Variants in AP3S2 observed in about 807,000 individuals in gnomAD.
AP3S2 encodes adaptor related protein complex 3 subunit sigma 2.
AP3S2 carries 22 observed loss-of-function variants against 23.4 expected under a neutral mutation model. The ratio of observed to expected loss-of-function variants is 0.94; its 90% CI spans 0.67 to 1.34. The LOEUF is 1.34. Ranked by LOEUF, AP3S2 falls within the 40% of genes most tolerant of loss-of-function variation. The pLI, the probability that AP3S2 is intolerant of heterozygous loss-of-function variation, is 0.00. For synonymous variants in AP3S2, 86 were observed against 87.1 expected, an observed-to-expected ratio of 0.99 and a Z score of 0.07; for missense variants, 241 against 236.9, an observed-to-expected ratio of 1.02 and a Z score of -0.11.
At chr15:89,887,377 TTA>T (rs1325204756) in intron 3 of AP3S2, among the ~76,000 whole-genome samples, 3 of 151,170 alleles carry the variant, frequency 2.0e-5, no homozygotes, top group Non-Finnish European at 1.5e-5. Context: ...ATTTTTATTA[TTA>T]TTTTTTTTTT....
chr15:89,868,215 G>C (rs1896201167), intron 4 of AP3S2, among the ~76,000 whole-genome samples: 1 of 58,254 alleles, frequency 1.7e-5, no homozygotes, highest in African/African-American at 5.7e-5. Context: ...GAGGGAGGTG[G>C]GGGGGTCAGC....
At chr15:89,884,393 A>G (rs1451596160) in intron 3 of AP3S2, among the ~76,000 whole-genome samples, 1 of 152,122 alleles carries the variant, frequency 6.6e-6, no homozygotes, top group Non-Finnish European at 1.5e-5. Flanking sequence ...CTAGAAAAGA[A>G]TATCTAGTAT....
chr15:89,882,616 C>T (rs1378668455), intron 3 of AP3S2, among the ~76,000 whole-genome samples: 2 of 152,176 alleles, frequency 1.3e-5, no homozygotes. Flanking sequence ...GCCTCGGCCT[C>T]CCAAAGGACT....
Position 89,866,087 on chromosome 15 carries a change from C to A in AP3S2, c.345+5388G>T, listed in dbSNP as rs1347081259. Among the ~76,000 whole-genome samples, 12 of 151,960 alleles carry A rather than the reference C, an allele frequency of 7.9e-5. 1 individual carries two copies. Among genetic ancestry groups the A allele is most frequent in the Admixed American group, 7.2e-4 (11 of 15,274 alleles). On this transcript the variant is annotated intron_variant, in intron 4 of 5. Coordinates refer to ENST00000336418, the MANE Select transcript of AP3S2 (RefSeq NM_005829.5). ...GACCAGCCTGACAGATATGATGAAA[C>A]CCTGTCTCTACTAAAAATACAAAAA...
At chr15:89,872,465 C>A (rs1896343677) in intron 3 of AP3S2, among the ~76,000 whole-genome samples, 1 of 152,150 alleles carries the variant, frequency 6.6e-6, no homozygotes, top group Admixed American at 6.5e-5. Context: ...GACAAGGGCA[C>A]AGTTTAATGA....
At chr15:89,850,372 T>C (rs940004668) in intron 4 of AP3S2, among the ~76,000 whole-genome samples, 1 of 152,196 alleles carries the variant, frequency 6.6e-6, no homozygotes, top group African/African-American at 2.4e-5. Context: ...TGGAGCCTTG[T>C]CTTACACATC....
intron 3 of AP3S2, among the ~76,000 whole-genome samples, chr15:89,887,600 G>C (rs912299862): frequency 6.6e-6 from 1 of 152,000 alleles, no homozygotes; most frequent in Non-Finnish European, 1.5e-5. Flanking sequence ...TTGAACTCTT[G>C]ATCCATCTGC....
chr15:89,871,493 C>A lies in AP3S2; in HGVS notation c.327G>T (p.Leu109Phe), dbSNP rs1896318096. The change falls in exon 4 of 6, where the codon TTG (leucine) becomes TTT (phenylalanine). Residue 109 changes from leucine (L) to phenylalanine (F), a missense_variant. Transcript: ENST00000336418. ...KCFENVCELD[L>F]IFHMDKVHYI... is the part of the protein sequence containing the mutation. ...AATATACCTTATCCATATGGAAGAT[C>A]AAATCCAATTCACACACATTTTCGA... The A allele has an allele frequency of 6.2e-7, 1 of 1,613,566 alleles. No individual in the cohort carries two copies. The highest frequency in any genetic ancestry group is 1.1e-5 in the South Asian group (1 of 90,946).
chr15:89,868,956 A>G (rs1046699597), intron 4 of AP3S2, among the ~76,000 whole-genome samples: 2 of 141,842 alleles, frequency 1.4e-5, no homozygotes, highest in Admixed American at 6.9e-5. Context: ...TGGGGGGGTC[A>G]GCCCCCTGCC....
chr15:89,864,838 G>A (rs1240583692), intron 4 of AP3S2, among the ~76,000 whole-genome samples: 3 of 151,988 alleles, frequency 2.0e-5, no homozygotes, highest in Admixed American at 6.6e-5. Context: ...CACTGTGCCC[G>A]GTCCTTACAA....
At chr15:89,875,837 T>C (rs994699219) in intron 3 of AP3S2, among the ~76,000 whole-genome samples, 4 of 152,046 alleles carry the variant, frequency 2.6e-5, no homozygotes, top group Non-Finnish European at 4.4e-5. Context: ...TGATTCCAGC[T>C]ACTCGGGAGG....
chr15:89,864,832 G>A (rs1596204831), intron 4 of AP3S2, among the ~76,000 whole-genome samples: 2 of 152,110 alleles, frequency 1.3e-5, no homozygotes, highest in African/African-American at 2.4e-5. Context: ...ATTAGCCACT[G>A]TGCCCGGTCC....
intron 5 of AP3S2, among the ~76,000 whole-genome samples, chr15:89,836,027 C>T (rs759846821): frequency 1.1e-4 from 9 of 78,788 alleles, no homozygotes; most frequent in African/African-American, 1.7e-4. Context: ...GACTCTGTCT[C>T]AAACAAACAA....
intron 4 of AP3S2, among the ~76,000 whole-genome samples, chr15:89,851,726 T>A (rs1209028340): frequency 1.3e-5 from 2 of 152,176 alleles, no homozygotes; most frequent in Non-Finnish European, 2.9e-5. Flanking sequence ...TGCAGTAAAG[T>A]ATACTCACTA....
In AP3S2 at chr15:89,858,109, T is replaced by C. The variant is rs563408947; in HGVS notation, c.345+13366A>G. Among the ~76,000 whole-genome samples the C allele has an allele frequency of 1.2e-4, 18 of 152,126 alleles. No homozygotes were observed. The East Asian group carries it at 3.3e-3, about 28-fold the overall frequency. On this transcript the variant is annotated intron_variant, in intron 4 of 5. Transcript: ENST00000336418. The stretch of plus-strand genomic sequence containing the variant: ...TAGCCTACCTTGATTGATACAAAAA[T>C]CAAGCCTGGAAAAGGGTTCTTAGTT...
chr15:89,855,937 A>G (rs543676288), intron 4 of AP3S2, among the ~76,000 whole-genome samples: 3 of 121,752 alleles, frequency 2.5e-5, no homozygotes, highest in African/African-American at 9.3e-5. Flanking sequence ...TAAATATGAT[A>G]TGTCCTTTAA....
chr15:89,874,844 C>A (rs1032064440), intron 3 of AP3S2, among the ~76,000 whole-genome samples: 1 of 151,744 alleles, frequency 6.6e-6, no homozygotes, highest in Non-Finnish European at 1.5e-5. Flanking sequence ...ATCAGTGGGG[C>A]AGAATATAAA....
intron 4 of AP3S2, among the ~76,000 whole-genome samples, chr15:89,864,368 T>C (rs1896070237): frequency 6.6e-6 from 1 of 152,170 alleles, no homozygotes; most frequent in East Asian, 1.9e-4. Flanking sequence ...TTTGATAAAT[T>C]TTAACATCCT....
chr15:89,874,127 G>T (rs1196874671), intron 3 of AP3S2, among the ~76,000 whole-genome samples: 1 of 146,904 alleles, frequency 6.8e-6, no homozygotes. Context: ...AGGGTTTTGG[G>T]TTTTTTTTTT....
Sources: gnomAD v4.1 joint callset for allele counts (sites outside exome capture counted in the v4.1 genomes callset) on GRCh38, gnomAD v4.1.1 for gene constraint, MANE v1.5 for transcripts, NCBI Gene and HGNC (gene_info 2026-07-23, HGNC 2026-07-21) for gene names.